COA1: variants seen among roughly 807,000 people sequenced by gnomAD.
COA1 encodes cytochrome c oxidase assembly factor 1, also known as cytochrome c oxidase assembly factor 1 homolog.
COA1 carries 13 observed loss-of-function variants against 16.0 expected under a neutral mutation model. The observed-to-expected ratio is 0.81, with a 90% confidence interval of 0.53 to 1.29. The LOEUF is 1.29. Ranked by LOEUF, COA1 falls within the 50% of genes most tolerant of loss-of-function variation. COA1 has a pLI of 0.00. For missense variants in COA1, 179 were observed against 177.0 expected, an observed-to-expected ratio of 1.01 and a Z score of -0.06; for synonymous variants, 65 against 65.7, an observed-to-expected ratio of 0.99 and a Z score of 0.05.
At chr7:43,726,460 A>G (rs1043435405) in intron 1 of COA1, among the ~76,000 whole-genome samples, 1 of 152,274 alleles carries the variant, frequency 6.6e-6, no homozygotes, top group Non-Finnish European at 1.5e-5. Flanking sequence ...TTAACTAAAT[A>G]GATTGAAAAT....
intron 1 of COA1, among the ~76,000 whole-genome samples, chr7:43,686,468 G>A (rs551156394): frequency 2.2e-4 from 33 of 151,980 alleles, no homozygotes; most frequent in Non-Finnish European, 3.7e-4. Flanking sequence ...CACTGCGCCC[G>A]GCTAATTTTT....
intron 1 of COA1, among the ~76,000 whole-genome samples, chr7:43,707,781 C>T (rs552582999): frequency 1.3e-5 from 2 of 152,282 alleles, no homozygotes; most frequent in Admixed American, 6.5e-5. Flanking sequence ...TGGAAATCTC[C>T]CCACACAACT....
intron 1 of COA1, chr7:43,650,249 C>G (rs1343387375): frequency 6.6e-6 from 1 of 152,180 alleles, no homozygotes; most frequent in African/African-American, 2.4e-5. Flanking sequence ...CCAGAGGACA[C>G]CAAAGCCCAG....
intron 6 of COA1, among the ~76,000 whole-genome samples, chr7:43,621,624 C>A (rs1249571551): frequency 1.3e-5 from 2 of 152,102 alleles, no homozygotes; most frequent in Non-Finnish European, 2.9e-5. Flanking sequence ...CGTGCCAGCA[C>A]AGCGGGCCAG....
intron 1 of COA1, among the ~76,000 whole-genome samples, chr7:43,651,383 G>A (rs1225418275): frequency 1.3e-5 from 2 of 152,204 alleles, no homozygotes; most frequent in Non-Finnish European, 2.9e-5. Flanking sequence ...ACTCTGCTCT[G>A]ATACACAAAG....
intron 1 of COA1, among the ~76,000 whole-genome samples, chr7:43,682,491 T>G (rs1477440487): frequency 6.6e-6 from 1 of 152,158 alleles, no homozygotes; most frequent in African/African-American, 2.4e-5. Context: ...ACAGGTACTA[T>G]TACAGAAAGT....
intron 1 of COA1, among the ~76,000 whole-genome samples, chr7:43,701,953 G>C (rs2094762561): frequency 6.6e-6 from 1 of 151,978 alleles, no homozygotes; most frequent in Non-Finnish European, 1.5e-5. Context: ...GTTTGCTTAA[G>C]TTCCTTATAG....
intron 1 of COA1, among the ~76,000 whole-genome samples, chr7:43,668,517 GA>G (rs1006180787): frequency 2.0e-5 from 3 of 152,198 alleles, no homozygotes; most frequent in African/African-American, 7.2e-5. Context: ...ACTGGAGAGA[GA>G]AATTGTGCTC....
intron 1 of COA1, among the ~76,000 whole-genome samples, chr7:43,718,532 A>G (rs2095441114): frequency 6.6e-6 from 1 of 152,000 alleles, no homozygotes; most frequent in African/African-American, 2.4e-5. Context: ...AAAATAACAT[A>G]CAAATTTCCT....
At chr7:43,610,495 A>G (rs1015136653) in intron 6 of COA1, among the ~76,000 whole-genome samples, 27 of 151,536 alleles carry the variant, frequency 1.8e-4, no homozygotes, top group African/African-American at 5.8e-4. Flanking sequence ...GTGAAATCCC[A>G]TGTCTACTAA....
At chr7:43,650,369 A>G (rs1299043254) in intron 1 of COA1, 1 of 152,228 alleles carries the variant, frequency 6.6e-6, no homozygotes, top group Non-Finnish European at 1.5e-5. Context: ...AAAAAGGATG[A>G]TGGAGCTAAC....
At chr7:43,651,703 AAAAAAAAAAC>A (rs987691379) in intron 1 of COA1, among the ~76,000 whole-genome samples, 4 of 151,702 alleles carry the variant, frequency 2.6e-5, no homozygotes, top group African/African-American at 9.7e-5. Flanking sequence ...AAAAAAAAAA[AAAAAAAAAAC>A]AGGCCAGGTG....
chr7:43,616,638 C>A (rs2083371537), intron 6 of COA1, among the ~76,000 whole-genome samples: 1 of 152,188 alleles, frequency 6.6e-6, no homozygotes, highest in Non-Finnish European at 1.5e-5. Context: ...TGGCTCACGC[C>A]TGTAATCCCA....
chr7:43,643,741 T>C (rs777797259), intron 4 of COA1, among the ~76,000 whole-genome samples: 1 of 152,128 alleles, frequency 6.6e-6, no homozygotes, highest in Non-Finnish European at 1.5e-5. Context: ...TGTGGCCACA[T>C]CTCTCTCCTA....
chr7:43,695,128 C>T (rs118009258), intron 1 of COA1, among the ~76,000 whole-genome samples: 1,784 of 152,258 alleles, frequency 0.012, 16 homozygotes, highest in Middle Eastern at 0.02. Flanking sequence ...ATAACAGCAG[C>T]GTCCTGACAA....
At chr7:43,646,751 TCCA>T in intron 3 of COA1, 1 of 387,856 alleles carries the variant, frequency 2.6e-6, no homozygotes, top group Non-Finnish European at 5.3e-6. Context: ...ACTCTGCAAC[TCCA>T]CCAACTCTGC....
chr7:43,679,174 G>A (rs2093656684), intron 1 of COA1, among the ~76,000 whole-genome samples: 2 of 150,448 alleles, frequency 1.3e-5, no homozygotes, highest in African/African-American at 4.9e-5. Flanking sequence ...GGCTGAGGCA[G>A]GAGAATCACT....
chr7:43,644,762 G>GGATGGATAGATAGATAGATAGA (rs1563228848), intron 4 of COA1, among the ~76,000 whole-genome samples: 4 of 80,044 alleles, frequency 5.0e-5, no homozygotes, highest in Non-Finnish European at 2.9e-5. Flanking sequence ...AGATAGATAG[G>GGATGGATAGATAGATAGATAGA]CAGGCAGGCA....
chr7:43,712,250 C>A (rs921428290), intron 1 of COA1, among the ~76,000 whole-genome samples: 1 of 152,032 alleles, frequency 6.6e-6, no homozygotes. Context: ...GTACCTGGGA[C>A]TACAGGCGCC....
Sources: allele counts gnomAD v4.1 joint callset (sites outside exome capture counted in the v4.1 genomes callset), GRCh38; gene constraint gnomAD v4.1.1; transcripts MANE v1.5; gene names NCBI Gene and HGNC (gene_info 2026-07-23, HGNC 2026-07-21).